C9orf85: variants seen among roughly 807,000 people sequenced by gnomAD.
The protein encoded by C9orf85 is uncharacterized protein C9orf85.
In C9orf85, 16 loss-of-function variants were observed where a neutral mutation model predicts 14.9. That is an observed-to-expected ratio of 1.08 (90% confidence interval 0.73 to 1.63). C9orf85 has a LOEUF of 1.63. Among genes scored for constraint, C9orf85 ranks in the 40% most tolerant of loss-of-function variants. The pLI, the probability that C9orf85 is intolerant of heterozygous loss-of-function variation, is 0.00. For missense variants in C9orf85, 172 were observed against 186.1 expected, an observed-to-expected ratio of 0.92 and a Z score of 0.44; for synonymous variants, 45 against 56.8, an observed-to-expected ratio of 0.79 and a Z score of 0.93.
intron 2 of C9orf85, 75 bp from the exon 3 acceptor site, chr9:71,971,430 A>T: frequency 1.1e-6 from 1 of 890,370 alleles, no homozygotes; most frequent in Non-Finnish European, 1.7e-6. Flanking sequence ...TTAACTATAC[A>T]TTTAGACACA....
In C9orf85 at chr9:71,913,262, CTCTT is replaced by C. The variant is rs535714746; in HGVS notation, c.102+1436_102+1439del. On this transcript the variant is annotated intron_variant, in intron 1 of 3. Transcript: ENST00000334731. ...TAACCTGTGATCTCCTTTTCCTTTC[CTCTT>C]TCTTTCTTTGCTTATTCTACAAATA... 2.0e-3 allele frequency among the ~76,000 whole-genome samples: 303 copies of C among 152,246 alleles called. 1 individual carries two copies. The highest frequency in any genetic ancestry group is 7.1e-3 in the African/African-American group (294 of 41,546).
At chr9:71,924,328 A>T (rs996737188) in intron 1 of C9orf85, among the ~76,000 whole-genome samples, 7 of 150,882 alleles carry the variant, frequency 4.6e-5, no homozygotes, top group Non-Finnish European at 7.4e-5. Flanking sequence ...ATTTTCTCAG[A>T]TGTATTTTTA....
At chr9:71,984,016 T>C (rs899658002), downstream of C9orf85, 2 of 152,250 alleles carry the variant, frequency 1.3e-5, no homozygotes, top group African/African-American at 4.8e-5. Flanking sequence ...CCTTTAATGA[T>C]GAAAACTGTT....
At chr9:71,927,720 CT>C (rs1827965442) in intron 1 of C9orf85, among the ~76,000 whole-genome samples, 1 of 151,986 alleles carries the variant, frequency 6.6e-6, no homozygotes. Context: ...TGATAAAAAG[CT>C]TAAAATTAAA....
intron 2 of C9orf85, among the ~76,000 whole-genome samples, chr9:71,950,924 G>A (rs958498896): frequency 1.3e-5 from 2 of 152,074 alleles, no homozygotes; most frequent in Non-Finnish European, 1.5e-5. Flanking sequence ...TGTTTACCTT[G>A]TGAATCACCA....
At chr9:71,957,771 A>C (rs370518523) in intron 2 of C9orf85, among the ~76,000 whole-genome samples, 173 of 152,314 alleles carry the variant, frequency 1.1e-3, no homozygotes, top group African/African-American at 3.9e-3. Context: ...TACTATAAAT[A>C]GCTGAGAAAA....
intron 1 of C9orf85, among the ~76,000 whole-genome samples, chr9:71,936,283 G>A (rs963404444): frequency 6.6e-6 from 1 of 152,104 alleles, no homozygotes; most frequent in African/African-American, 2.4e-5. Flanking sequence ...TCTTCGTTGA[G>A]CTCATTGCTG....
chr9:71,970,404 G>A (rs1486690950), intron 2 of C9orf85, among the ~76,000 whole-genome samples: 1 of 152,138 alleles, frequency 6.6e-6, no homozygotes, highest in Non-Finnish European at 1.5e-5. Context: ...TACAGAATAA[G>A]TACCTCACGA....
intron 1 of C9orf85, among the ~76,000 whole-genome samples, chr9:71,944,816 A>T (rs1822041074): frequency 6.6e-6 from 1 of 152,164 alleles, no homozygotes; most frequent in Admixed American, 6.5e-5. Context: ...TTCTTAACAC[A>T]TAAAAATCAA....
intron 2 of C9orf85, among the ~76,000 whole-genome samples, chr9:71,962,693 A>G (rs1460826852): frequency 6.6e-6 from 1 of 152,252 alleles, no homozygotes; most frequent in Non-Finnish European, 1.5e-5. Flanking sequence ...CTAAGAAGAT[A>G]GAGGAGAAAT....
At chr9:71,964,404 G>T (rs1368938738) in intron 2 of C9orf85, among the ~76,000 whole-genome samples, 1 of 151,912 alleles carries the variant, frequency 6.6e-6, no homozygotes, top group Non-Finnish European at 1.5e-5. Context: ...TCACTCTTTG[G>T]GTCTACACTG....
At chr9:71,921,071 A>G (rs915124276) in intron 1 of C9orf85, among the ~76,000 whole-genome samples, 6 of 152,236 alleles carry the variant, frequency 3.9e-5, no homozygotes, top group African/African-American at 1.4e-4. Flanking sequence ...ACTCTGTAGT[A>G]GTAAGATACC....
chr9:71,975,661 C>T (rs868834152), downstream of C9orf85, among the ~76,000 whole-genome samples: 1 of 151,988 alleles, frequency 6.6e-6, no homozygotes, highest in Admixed American at 6.6e-5. Flanking sequence ...AGAGAAACCC[C>T]ATCTCTACTA....
chr9:71,954,578 T>A (rs967785481), intron 2 of C9orf85, among the ~76,000 whole-genome samples: 1 of 152,178 alleles, frequency 6.6e-6, no homozygotes, highest in South Asian at 2.1e-4. Flanking sequence ...TTTTAGACCA[T>A]GTAGGTTAGT....
intron 2 of C9orf85, among the ~76,000 whole-genome samples, chr9:71,957,894 T>C (rs2132330327): frequency 1.3e-5 from 2 of 152,304 alleles, no homozygotes; most frequent in African/African-American, 4.8e-5. Flanking sequence ...ATAAAATCCT[T>C]ATTAGTAAGA....
Position 71,925,711 on chromosome 9 carries a change from A to G in C9orf85, c.102+13875A>G, listed in dbSNP as rs973393097. 1.3e-5 allele frequency among the ~76,000 whole-genome samples: 2 copies of G among 152,252 alleles called. 1 individual carries two copies. The highest frequency in any genetic ancestry group is 3.8e-4 in the East Asian group (2 of 5,202). On this transcript the variant is annotated intron_variant, in intron 1 of 3. Transcript: ENST00000334731. Reference sequence around the variant, plus strand: ...TTCTGATAAAGGCCAGATTATCTATAAGAAATGAACAAGCTGTTTTTTTAT... The same window carrying G: ...TTCTGATAAAGGCCAGATTATCTATGAGAAATGAACAAGCTGTTTTTTTAT...
downstream of C9orf85, among the ~76,000 whole-genome samples, chr9:71,977,611 TTTC>T (rs1364578384): frequency 2.0e-5 from 3 of 152,244 alleles, no homozygotes; most frequent in African/African-American, 7.2e-5. Context: ...CCTAAACTTT[TTTC>T]TTAAGTGAAA....
In C9orf85 at chr9:71,911,800, C is replaced by A. The variant is rs746588848; in HGVS notation, c.66C>A (p.Phe22Leu). The change falls in exon 1 of 4, where the codon TTC (phenylalanine) becomes TTA (leucine). Residue 22 changes from phenylalanine (F) to leucine (L), a missense_variant. Physicochemically the swap from Phe to Leu is conservative, Grantham distance 22 (BLOSUM62 0). Coordinates refer to ENST00000334731, the MANE Select transcript of C9orf85 (RefSeq NM_182505.5). ...RPQKHQNTFS[F>L]KNDKFDKSVQ... is the part of the protein sequence containing the mutation. Reference sequence around the variant, plus strand: ...AGAAGCACCAGAATACGTTTAGCTTCAAAAATGACAAGTTCGATAAAAGTG... The same window carrying A: ...AGAAGCACCAGAATACGTTTAGCTTAAAAAATGACAAGTTCGATAAAAGTG... 2 of 1,614,098 alleles carry A rather than the reference C, an allele frequency of 1.2e-6. No homozygotes were observed. The highest frequency in any genetic ancestry group is 1.7e-5 in the Admixed American group (1 of 60,022).
At chr9:71,941,392 A>G (rs1400517573) in intron 1 of C9orf85, among the ~76,000 whole-genome samples, 1 of 152,224 alleles carries the variant, frequency 6.6e-6, no homozygotes, top group Non-Finnish European at 1.5e-5. Flanking sequence ...ACTGGACAGT[A>G]TGTGCCTCCT....
Sources: allele counts gnomAD v4.1 joint callset (sites outside exome capture counted in the v4.1 genomes callset), GRCh38; gene constraint gnomAD v4.1.1; transcripts MANE v1.5; gene names NCBI Gene and HGNC (gene_info 2026-07-23, HGNC 2026-07-21).